The following CDH4 variants were observed in gnomAD, a reference collection of about 807,000 sequenced individuals.
CDH4 encodes the protein cadherin-4.
In CDH4, 33 loss-of-function variants were observed where a neutral mutation model predicts 86.0. The observed-to-expected ratio is 0.38, with a 90% CI of 0.29 to 0.51. The LOEUF (loss-of-function observed/expected upper bound fraction) is 0.51, where lower values mean the gene tolerates loss of function less well. Among genes scored for constraint, CDH4 ranks in the 20% least tolerant of loss-of-function variants. CDH4 has a pLI of 0.86. For missense variants in CDH4, 1,114 were observed against 1,307.4 expected (o/e 0.85, Z 2.28); for synonymous variants, 555 against 549.4 (o/e 1.01, Z -0.14).
intron 2 of CDH4, among the ~76,000 whole-genome samples, chr20:61,526,232 A>G (rs2085909194): frequency 6.6e-6 from 1 of 150,476 alleles, no homozygotes; most frequent in South Asian, 2.1e-4. Flanking sequence ...AAGCAGGAGG[A>G]TTCTTCTCTT....
chr20:61,903,248 T>C (rs1439950871), intron 8 of CDH4, among the ~76,000 whole-genome samples: 1 of 151,986 alleles, frequency 6.6e-6, no homozygotes, highest in East Asian at 1.9e-4. Flanking sequence ...TTAATCTACA[T>C]ATTTAAAATC....
intron 2 of CDH4, among the ~76,000 whole-genome samples, chr20:61,397,251 C>G (rs183082832): frequency 9.4e-4 from 143 of 152,234 alleles, no homozygotes; most frequent in African/African-American, 3.1e-3. Flanking sequence ...ACCAGAAAGT[C>G]TTGAGAAGTG....
chr20:61,909,803 A>G (rs2054829689), intron 8 of CDH4, among the ~76,000 whole-genome samples: 1 of 152,224 alleles, frequency 6.6e-6, no homozygotes, highest in Admixed American at 6.5e-5. Context: ...ACAAGGTGGC[A>G]TTTCTAGCTC....
At chr20:61,645,711 T>A (rs867920649) in intron 2 of CDH4, among the ~76,000 whole-genome samples, 1 of 151,600 alleles carries the variant, frequency 6.6e-6, no homozygotes, top group South Asian at 2.1e-4. Flanking sequence ...GCACACCCAC[T>A]CTATTTCACC....
Position 61,753,983 on chromosome 20 carries a change from TGTG to T in CDH4, c.396+10195_396+10197del, listed in dbSNP as rs1436844202. ...AGCGTGGGCCCTGATGCAGTAGGAC[TGTG>T]TCCTTATAGAAGGGGAAATTTGGGC... On this transcript the variant is annotated intron_variant, in intron 3 of 15. Transcript: ENST00000614565. Among the ~76,000 whole-genome samples, 569 of 152,292 alleles carry T rather than the reference TGTG, an allele frequency of 3.7e-3. 1 individual carries two copies. Among genetic ancestry groups the T allele is most frequent in the African/African-American group, 0.013 (534 of 41,556 alleles).
intron 2 of CDH4, among the ~76,000 whole-genome samples, chr20:61,366,388 G>T (rs375719918): frequency 5.3e-5 from 8 of 152,306 alleles, no homozygotes; most frequent in African/African-American, 1.9e-4. Context: ...GACCAGCTCG[G>T]TCGGGGAGAC....
At chr20:61,677,310 A>G (rs2087454090) in intron 2 of CDH4, among the ~76,000 whole-genome samples, 1 of 152,188 alleles carries the variant, frequency 6.6e-6, no homozygotes, top group African/African-American at 2.4e-5. Context: ...GCCTGTATGC[A>G]ATGCACGAGC....
At chr20:61,724,611 C>T (rs1359828310) in intron 2 of CDH4, among the ~76,000 whole-genome samples, 1 of 152,168 alleles carries the variant, frequency 6.6e-6, no homozygotes, top group Non-Finnish European at 1.5e-5. Flanking sequence ...TTCGCCCCGA[C>T]CCCGGGCTGT....
At chr20:61,515,038 C>T (rs1335535683) in intron 2 of CDH4, among the ~76,000 whole-genome samples, 1 of 152,242 alleles carries the variant, frequency 6.6e-6, no homozygotes, top group Non-Finnish European at 1.5e-5. Context: ...TTCTCGGTTT[C>T]CTGCCAAAGT....
Position 61,844,649 on chromosome 20 carries a change from C to T in CDH4, c.577-19C>T, listed in dbSNP as rs772334465. 25 of 1,601,112 alleles carry T rather than the reference C, an allele frequency of 1.6e-5. No individual in the cohort carries two copies. The highest frequency in any genetic ancestry group is 2.0e-5 in the Non-Finnish European group (23 of 1,170,402). ...CTCACCACAGGATAACCTCTTCTCG[C>T]TTTGCTCCTGCCTTTCAGATCCGGT... On this transcript the variant is annotated intron_variant, in intron 4 of 15. Transcript: ENST00000614565.
In CDH4 at chr20:61,754,088, G is replaced by A. The variant is rs1254341084; in HGVS notation, c.396+10299G>A. The stretch of plus-strand genomic sequence containing the variant: ...ATGCCTTCAAAAGCCAAGGATCAGG[G>A]AAGATTGTGGCACCACCAGGAGCCA... On this transcript the variant is annotated intron_variant, in intron 3 of 15. Coordinates refer to ENST00000614565, the MANE Select transcript of CDH4 (RefSeq NM_001794.5). The surrounding 1 kb of genome is among the most constrained non-coding windows in gnomAD (Gnocchi z 4.7). Among the ~76,000 whole-genome samples, 1 of 152,152 alleles carries A rather than the reference G, an allele frequency of 6.6e-6. No individual in the cohort carries two copies. The highest frequency in any genetic ancestry group is 1.9e-4 in the East Asian group (1 of 5,198).
intron 2 of CDH4, among the ~76,000 whole-genome samples, chr20:61,454,400 C>A (rs538685786): frequency 2.6e-5 from 4 of 152,238 alleles, no homozygotes; most frequent in African/African-American, 9.6e-5. Context: ...TAGTGAAGAG[C>A]CCGCAAGACA....
rs530869405 is a variant in CDH4 at position 61,853,740 on chromosome 20, C to T, written c.877+842C>T. 3.9e-5 allele frequency among the ~76,000 whole-genome samples: 6 copies of T among 152,286 alleles called. No homozygotes were observed. In the East Asian group the frequency reaches 7.8e-4, roughly 20 times the overall value. On this transcript the variant is annotated intron_variant, in intron 6 of 15. Transcript: ENST00000614565. ...CCCCCACCTGCTCATCCAGATGCTGCAGGTGGCCTGGGGCTGTGGGTTAAC... is the reference window on the plus strand; with the variant it reads ...CCCCCACCTGCTCATCCAGATGCTGTAGGTGGCCTGGGGCTGTGGGTTAAC...
intron 2 of CDH4, among the ~76,000 whole-genome samples, chr20:61,379,745 G>A (rs150276515): frequency 1.3e-5 from 2 of 152,214 alleles, no homozygotes; most frequent in Admixed American, 6.5e-5. Context: ...CTGTTCCCAC[G>A]GTTTAACCAA....
At chr20:61,489,697 A>C (rs1391281934) in intron 2 of CDH4, among the ~76,000 whole-genome samples, 1 of 152,264 alleles carries the variant, frequency 6.6e-6, no homozygotes, top group Non-Finnish European at 1.5e-5. Context: ...AAGCAATTTC[A>C]TCTTCTCAGC....
intron 7 of CDH4, among the ~76,000 whole-genome samples, chr20:61,882,374 AC>A (rs772871002): frequency 1.8e-4 from 28 of 152,206 alleles, no homozygotes; most frequent in Admixed American, 3.3e-4. Flanking sequence ...AGGGTCTCAA[AC>A]CCAGAGACAG....
chr20:61,478,196 G>T (rs778319419), intron 2 of CDH4, among the ~76,000 whole-genome samples: 3 of 152,124 alleles, frequency 2.0e-5, no homozygotes, highest in African/African-American at 7.2e-5. Context: ...CTGCTGGCCC[G>T]TGAGCGTGGA....
chr20:61,751,848 T>A (rs1474494200), intron 3 of CDH4, among the ~76,000 whole-genome samples: 2 of 152,154 alleles, frequency 1.3e-5, no homozygotes, highest in Non-Finnish European at 2.9e-5. Context: ...GGGGCATCTT[T>A]AAGAAAAAAG....
chr20:61,432,583 GTATA>G (rs894196715), intron 2 of CDH4, among the ~76,000 whole-genome samples: 27 of 152,176 alleles, frequency 1.8e-4, no homozygotes, highest in African/African-American at 6.5e-4. Context: ...GTGTATGTAT[GTATA>G]TGTATGTGTG....
Sources: allele counts gnomAD v4.1 joint callset (sites outside exome capture counted in the v4.1 genomes callset), GRCh38; gene constraint gnomAD v4.1.1; non-coding constraint Gnocchi (gnomAD v3.1); transcripts MANE v1.5; gene names NCBI Gene and HGNC (gene_info 2026-07-23, HGNC 2026-07-21).